The following ZBTB5 variants were observed in gnomAD, a reference collection of about 807,000 sequenced individuals.
ZBTB5 encodes zinc finger and BTB domain containing 5, also known as zinc finger and BTB domain-containing protein 5.
A neutral mutation model predicts 37.9 loss-of-function variants in ZBTB5; 15 were observed. That is an observed-to-expected ratio of 0.40 (90% CI 0.26 to 0.61). ZBTB5 has a LOEUF of 0.61. Among genes scored for constraint, ZBTB5 ranks in the 20% least tolerant of loss-of-function variants. ZBTB5 has a pLI of 0.47. For missense variants in ZBTB5, 708 were observed against 856.8 expected (o/e 0.83, Z 2.17); for synonymous variants, 315 against 312.4 (o/e 1.01, Z -0.09).
Position 37,438,552 on chromosome 9 carries a change from GGGCAGGCTCCT to G in ZBTB5, c.*1955_*1965del. On this transcript the variant is annotated 3_prime_UTR_variant, in exon 2 of 2. Coordinates refer to ENST00000307750, the MANE Select transcript of ZBTB5 (RefSeq NM_014872.3). ...CACTTATGCTTCAGCAGAGGTAAGCGGGCAGGCTCCTGGCACCACCTCCTCCAAATGGAAGG... is the reference window on the plus strand; with the variant it reads ...CACTTATGCTTCAGCAGAGGTAAGCGGGCACCACCTCCTCCAAATGGAAGG... The G allele has an allele frequency of 6.6e-6, 1 of 152,210 alleles. No homozygotes were observed. Among genetic ancestry groups the G allele is most frequent in the South Asian group, 2.1e-4 (1 of 4,834 alleles). 9.4% of individuals were successfully genotyped at this position (152,210 alleles called of 1,614,324 possible). A position where few individuals can be genotyped will look rare whatever the true frequency, so the allele number is the denominator to read the frequency against.
intron 1 of ZBTB5, among the ~76,000 whole-genome samples, chr9:37,447,992 A>G (rs1824023137): frequency 6.6e-6 from 1 of 152,148 alleles, no homozygotes; most frequent in African/African-American, 2.4e-5. Flanking sequence ...CCTCATCTCT[A>G]AAATAAATAA....
chr9:37,461,527 A>C (rs944467231), intron 1 of ZBTB5, among the ~76,000 whole-genome samples: 3 of 152,260 alleles, frequency 2.0e-5, no homozygotes, highest in African/African-American at 7.2e-5. Context: ...CAGGAGTTCA[A>C]GACCAGCCTG....
intron 1 of ZBTB5, among the ~76,000 whole-genome samples, chr9:37,445,187 G>C (rs555321056): frequency 1.3e-5 from 2 of 152,112 alleles, no homozygotes; most frequent in African/African-American, 4.8e-5. Flanking sequence ...ACACTAAACC[G>C]AATGTGAGAT....
In ZBTB5 at chr9:37,461,294, G is replaced by T. The variant is rs542824787; in HGVS notation, c.-5+3921C>A. ...TAAGGACTATAAAGGTGAAAGCCTT[G>T]TATTTTTAGAGGAAGATGGTTGAGT... On this transcript the variant is annotated intron_variant, in intron 1 of 1. Coordinates refer to ENST00000307750, the MANE Select transcript of ZBTB5 (RefSeq NM_014872.3). Among the ~76,000 whole-genome samples the T allele has an allele frequency of 5.7e-4, 87 of 152,336 alleles. 2 individuals carry two copies. The highest frequency in any genetic ancestry group is 1.1e-3 in the Non-Finnish European group (77 of 68,034).
chr9:37,444,326 C>T (rs915177044), intron 1 of ZBTB5, among the ~76,000 whole-genome samples: 1 of 151,886 alleles, frequency 6.6e-6, no homozygotes, highest in Admixed American at 6.6e-5. Context: ...AGCCTCCTGA[C>T]GAGCTGGGAT....
chr9:37,443,333 G>GAA (rs77294273), intron 1 of ZBTB5, among the ~76,000 whole-genome samples: 4 of 113,508 alleles, frequency 3.5e-5, no homozygotes, highest in Non-Finnish European at 3.8e-5. Context: ...CATCTCAAAG[G>GAA]AAAAAAAAAA....
chr9:37,443,491 C>T (rs532863796), intron 1 of ZBTB5, among the ~76,000 whole-genome samples: 16 of 152,156 alleles, frequency 1.1e-4, no homozygotes, highest in Non-Finnish European at 2.4e-4. Context: ...AAATCCTAAA[C>T]TGGGCAGCGG....
intron 1 of ZBTB5, among the ~76,000 whole-genome samples, chr9:37,461,715 AGAGT>A (rs1459391487): frequency 6.6e-6 from 1 of 152,180 alleles, no homozygotes; most frequent in African/African-American, 2.4e-5. Flanking sequence ...CCTGGGTGAC[AGAGT>A]GAGACCCTGT....
At chr9:37,445,109 G>A (rs1396517143) in intron 1 of ZBTB5, among the ~76,000 whole-genome samples, 1 of 151,052 alleles carries the variant, frequency 6.6e-6, no homozygotes, top group Non-Finnish European at 1.5e-5. Flanking sequence ...AAAAAAAAAG[G>A]TTGTTTACTC....
At chr9:37,454,854 T>C (rs1824159751) in intron 1 of ZBTB5, among the ~76,000 whole-genome samples, 1 of 152,238 alleles carries the variant, frequency 6.6e-6, no homozygotes, top group Non-Finnish European at 1.5e-5. Context: ...AGTTGTCACC[T>C]GCAGAAAGCA....
Position 37,442,193 on chromosome 9 carries a change from G to A in ZBTB5, c.359C>T (p.Thr120Met), listed in dbSNP as rs759066956. The A allele has an allele frequency of 4.8e-5, 77 of 1,614,116 alleles. No individual in the cohort carries two copies. Among genetic ancestry groups the A allele is most frequent in the South Asian group, 3.0e-4 (27 of 91,092 alleles). The change falls in exon 2 of 2, where the codon ACG becomes ATG. Residue 120 changes from threonine (T) to methionine (M), a missense_variant. Physicochemically the swap from Thr to Met is moderately conservative, Grantham distance 81 (BLOSUM62 -1). Coordinates refer to ENST00000307750, the MANE Select transcript of ZBTB5 (RefSeq NM_014872.3). ...SVVKACKHYL[T>M]TRTLPMSPPS... The stretch of plus-strand genomic sequence containing the variant: ...GGGAGACATGGGCAGCGTCCTTGTC[G>A]TTAAGTAATGTTTACATGCCTTAAC...
rs1054031659 is a variant in ZBTB5 at position 37,442,675 on chromosome 9, A to C, written c.-4-120T>G. ...AGCTTGGACCTTTGAAGCCCGTGAT[A>C]TCTCTGATAATGGGCACATACACTA... On this transcript the variant is annotated intron_variant, in intron 1 of 1. Coordinates refer to ENST00000307750, the MANE Select transcript of ZBTB5 (RefSeq NM_014872.3). 4 of 733,456 alleles carry C rather than the reference A, an allele frequency of 5.5e-6. No homozygotes were observed. The South Asian group carries it at 5.7e-5, about 11-fold the overall frequency. 45.4% of individuals were successfully genotyped at this position (733,456 alleles called of 1,614,324 possible). A position where few individuals can be genotyped will look rare whatever the true frequency, so the allele number is the denominator to read the frequency against.
At chr9:37,451,913 G>T (rs1824112073) in intron 1 of ZBTB5, among the ~76,000 whole-genome samples, 1 of 152,130 alleles carries the variant, frequency 6.6e-6, no homozygotes, top group Admixed American at 6.5e-5. Flanking sequence ...AGCCTGAAAA[G>T]ACATCTCAAA....
chr9:37,442,850 TGA>T (rs1477374923), intron 1 of ZBTB5, among the ~76,000 whole-genome samples: 1 of 152,188 alleles, frequency 6.6e-6, no homozygotes, highest in Admixed American at 6.5e-5. Context: ...GACCAGTGTG[TGA>T]GTGATGGCAT....
intron 1 of ZBTB5, among the ~76,000 whole-genome samples, chr9:37,451,591 T>A (rs902008177): frequency 6.7e-6 from 1 of 148,518 alleles, no homozygotes; most frequent in Non-Finnish European, 1.5e-5. Flanking sequence ...AGACGTGCAC[T>A]TAGCAAATTT....
At chr9:37,443,478 C>T (rs976867974) in intron 1 of ZBTB5, among the ~76,000 whole-genome samples, 5 of 152,086 alleles carry the variant, frequency 3.3e-5, no homozygotes, top group Admixed American at 1.3e-4. Flanking sequence ...ACCCCAAAAG[C>T]GAAAATCCTA....
chr9:37,440,753 G>C lies in ZBTB5; in HGVS notation c.1799C>G (p.Ser600Ter). ...CTCTACAACCAAAACATTGTGCTCT[G>C]ATAAGGCCTTCTTGCACTTTGACAG... ...DVLSKCKKAL[S>*]EHNVLVVEGA... is the part of the protein sequence containing the mutation. The change falls in exon 2 of 2, where the codon TCA (serine) becomes TGA (stop). Residue 600 changes from serine to a stop codon, truncating the protein, a stop_gained. Transcript: ENST00000307750. LOFTEE classifies it high-confidence loss of function. 1 of 1,614,272 alleles carries C rather than the reference G, an allele frequency of 6.2e-7. No individual in the cohort carries two copies. The highest frequency in any genetic ancestry group is 8.5e-7 in the Non-Finnish European group (1 of 1,180,048).
chr9:37,441,869 G>A lies in ZBTB5; in HGVS notation c.683C>T (p.Ser228Phe), dbSNP rs761993466. Residue 228 changes from serine (S) to phenylalanine (F), a missense_variant, in exon 2 of 2, where the codon TCT (serine) becomes TTT (phenylalanine). Transcript: ENST00000307750. ...ATCTGGTGAAAAGAACTCCTCCCGA[G>A]AATGAACCCCTGAAGGCCCATTCTC... ...TPENGPSGVHSREEFFSPDSL... is the reference protein window; with the variant it reads ...TPENGPSGVHFREEFFSPDSL... 1 of 1,614,140 alleles carries A rather than the reference G, an allele frequency of 6.2e-7. No individual in the cohort carries two copies. The highest frequency in any genetic ancestry group is 2.2e-5 in the East Asian group (1 of 44,856).
chr9:37,460,642 A>C lies in ZBTB5; in HGVS notation c.-5+4573T>G, dbSNP rs374459251. ...ACATGTTGGGAGGCCAAGGTGGGAG[A>C]AATGCTTGAGTCCAGGAGTCTAAGA... On this transcript the variant is annotated intron_variant, in intron 1 of 1. Coordinates refer to ENST00000307750, the MANE Select transcript of ZBTB5 (RefSeq NM_014872.3). 1.3e-4 allele frequency among the ~76,000 whole-genome samples: 20 copies of C among 152,198 alleles called. No individual in the cohort carries two copies. The East Asian group carries it at 2.9e-3, about 22-fold the overall frequency.
Sources: gnomAD v4.1 joint callset for allele counts (sites outside exome capture counted in the v4.1 genomes callset) on GRCh38, gnomAD v4.1.1 for gene constraint, MANE v1.5 for transcripts, NCBI Gene and HGNC (gene_info 2026-07-23, HGNC 2026-07-21) for gene names.